Variants in HMGXB4 observed in about 807,000 individuals in gnomAD.
The protein encoded by HMGXB4 is HMG-box containing 4.
In HMGXB4, 27 loss-of-function variants were observed where a neutral mutation model predicts 63.9. That is an observed-to-expected ratio of 0.42 (90% CI 0.31 to 0.58). The LOEUF (loss-of-function observed/expected upper bound fraction) is 0.58. HMGXB4 is among the 20% of genes least tolerant of loss of function. HMGXB4 has a pLI of 0.13. For missense variants in HMGXB4, 624 were observed against 700.7 expected, an observed-to-expected ratio of 0.89 and a Z score of 1.24; for synonymous variants, 264 against 265.3, an observed-to-expected ratio of 0.99 and a Z score of 0.05.
At chr22:35,271,648 T>G (rs572093854) in intron 5 of HMGXB4, among the ~76,000 whole-genome samples, 1 of 152,312 alleles carries the variant, frequency 6.6e-6, no homozygotes, top group South Asian at 2.1e-4. Context: ...AGGCAATACA[T>G]GCGGAAGTGT....
intron 5 of HMGXB4, among the ~76,000 whole-genome samples, chr22:35,275,114 T>A (rs1923830820): frequency 3.0e-5 from 1 of 32,842 alleles, no homozygotes; most frequent in African/African-American, 5.7e-5. Context: ...AAATTTCTTT[T>A]TTTTTTTTTT....
At chr22:35,246,269 A>T in the HMGXB4 span, among the ~76,000 whole-genome samples, 89 of 151,558 alleles carry the variant, frequency 5.9e-4, no homozygotes, top group East Asian at 0.016. Context: ...GGAGTGGAGC[A>T]ATTATTTTCT....
At chr22:35,272,958 A>T (rs1344454123) in intron 5 of HMGXB4, among the ~76,000 whole-genome samples, 1 of 152,188 alleles carries the variant, frequency 6.6e-6, no homozygotes, top group Non-Finnish European at 1.5e-5. Context: ...AATATCCCGT[A>T]ATGTTGCCAT....
intron 5 of HMGXB4, among the ~76,000 whole-genome samples, chr22:35,267,927 T>G (rs1262104966): frequency 2.0e-5 from 3 of 152,218 alleles, no homozygotes; most frequent in East Asian, 3.8e-4. Context: ...ATCATTAACC[T>G]GAGTTCAATA....
intron 6 of HMGXB4, among the ~76,000 whole-genome samples, chr22:35,284,624 G>A (rs894063340): frequency 6.6e-6 from 1 of 152,284 alleles, no homozygotes. Context: ...GTAATGTATT[G>A]AATACTGTAC....
intron 6 of HMGXB4, among the ~76,000 whole-genome samples, chr22:35,284,712 A>G (rs1924459872): frequency 6.6e-6 from 1 of 152,240 alleles, no homozygotes; most frequent in Non-Finnish European, 1.5e-5. Flanking sequence ...TTGCATCCTT[A>G]TAAAGTTGAA....
intron 5 of HMGXB4, among the ~76,000 whole-genome samples, chr22:35,266,853 G>A (rs1923284051): frequency 6.6e-6 from 1 of 152,190 alleles, no homozygotes; most frequent in South Asian, 2.1e-4. Flanking sequence ...GTGTGGGGGT[G>A]CACATCTATA....
At chr22:35,268,334 T>C (rs2235147) in intron 5 of HMGXB4, among the ~76,000 whole-genome samples, 89,106 of 152,044 alleles carry the variant, frequency 0.59, 27,747 homozygotes, top group Non-Finnish European at 0.7. Flanking sequence ...CAACTATTTC[T>C]GCACAAATAT....
At chr22:35,246,562 C>T in the HMGXB4 span, among the ~76,000 whole-genome samples, 6 of 152,258 alleles carry the variant, frequency 3.9e-5, no homozygotes, top group East Asian at 3.9e-4. Flanking sequence ...CGTGAGCCAC[C>T]GCTCCCGGCC....
At chr22:35,262,681 C>T (rs1478043888) in intron 2 of HMGXB4, 1 of 544,222 alleles carries the variant, frequency 1.8e-6, no homozygotes, top group Non-Finnish European at 3.3e-6. Flanking sequence ...ACTCTTGGTC[C>T]TTGCCAGCTC....
At chr22:35,290,373 C>T (rs1307711103) in intron 9 of HMGXB4, among the ~76,000 whole-genome samples, 1 of 151,950 alleles carries the variant, frequency 6.6e-6, no homozygotes, top group Non-Finnish European at 1.5e-5. Flanking sequence ...CAGCCAGGCG[C>T]GGTGGCTCAC....
chr22:35,245,080 G>T, the HMGXB4 span, among the ~76,000 whole-genome samples: 1 of 152,022 alleles, frequency 6.6e-6, no homozygotes, highest in East Asian at 1.9e-4. Flanking sequence ...CACCATGTTG[G>T]CCAGGCTGGT....
chr22:35,276,893 ATCC>A (rs1275240286), intron 5 of HMGXB4, among the ~76,000 whole-genome samples: 1 of 152,218 alleles, frequency 6.6e-6, no homozygotes, highest in Non-Finnish European at 1.5e-5. Context: ...ATTTCACCCT[ATCC>A]TCCTTCACCA....
At position 35,283,951 on chromosome 22, in the gene HMGXB4, T is replaced by C. The variant is rs958187581; in HGVS notation, c.1216-11T>C. On this transcript the variant is annotated splice_polypyrimidine_tract_variant and intron_variant, in intron 5 of 10. Coordinates refer to ENST00000216106, the MANE Select transcript of HMGXB4 (RefSeq NM_001003681.3). ...AAGTCTTACCCTGTTGTATCTTCTA[T>C]GCGGCATTAGCCAAAAAAGAAGAAC... 43 of 1,607,536 alleles carry C rather than the reference T, an allele frequency of 2.7e-5. No individual in the cohort carries two copies. Among genetic ancestry groups the C allele is most frequent in the Non-Finnish European group, 3.7e-5 (43 of 1,173,928 alleles).
the HMGXB4 span, among the ~76,000 whole-genome samples, chr22:35,248,078 A>G: frequency 6.6e-6 from 1 of 152,194 alleles, no homozygotes; most frequent in East Asian, 1.9e-4. Context: ...AGGCAATTGT[A>G]ACACAATGGT....
intron 6 of HMGXB4, 114 bp from the exon 7 acceptor site, chr22:35,285,883 G>A: frequency 1.4e-6 from 1 of 724,356 alleles, no homozygotes; most frequent in Non-Finnish European, 2.3e-6. Context: ...AAAGCATCTT[G>A]CAACATTTAA....
chr22:35,284,160 G>A, intron 6 of HMGXB4, 117 bp downstream of exon 6: 2 of 708,162 alleles, frequency 2.8e-6, no homozygotes, highest in Admixed American at 2.6e-5. Flanking sequence ...CCTCAGTTCT[G>A]CAAATCACTT....
intron 5 of HMGXB4, among the ~76,000 whole-genome samples, chr22:35,275,153 C>G (rs1293162090): frequency 7.8e-6 from 1 of 127,932 alleles, no homozygotes; most frequent in African/African-American, 3.2e-5. Context: ...GATTTTCGCT[C>G]TTGTCGCCCA....
chr22:35,249,212 C>A, the HMGXB4 span, among the ~76,000 whole-genome samples: 1 of 45,178 alleles, frequency 2.2e-5, no homozygotes, highest in African/African-American at 3.4e-5. Flanking sequence ...GCACCTACCA[C>A]CACGCCTGTC....
Sources: allele counts gnomAD v4.1 joint callset (sites outside exome capture counted in the v4.1 genomes callset), GRCh38; gene constraint gnomAD v4.1.1; transcripts MANE v1.5; gene names NCBI Gene and HGNC (gene_info 2026-07-23, HGNC 2026-07-21).